PTPN14: variants seen among roughly 807,000 people sequenced by gnomAD.
PTPN14 encodes tyrosine-protein phosphatase non-receptor type 14.
PTPN14 carries 53 observed loss-of-function variants against 126.8 expected under a neutral mutation model. The observed-to-expected ratio is 0.42, with a 90% confidence interval of 0.34 to 0.53. PTPN14 has a LOEUF of 0.53. Ranked by LOEUF, PTPN14 falls within the 20% of genes least tolerant of loss-of-function variation. PTPN14 has a pLI of 0.08. For synonymous variants in PTPN14, 630 were observed against 599.3 expected (o/e 1.05, Z -0.75); for missense variants, 1,257 against 1,552.9 (o/e 0.81, Z 3.20).
chr1:214,376,348 G>A lies in PTPN14; in HGVS notation c.2778C>T (p.Ser926=). 6.2e-7 allele frequency: 1 copy of A among 1,614,064 alleles called. No homozygotes were observed. Among genetic ancestry groups the A allele is most frequent in the Admixed American group, 1.7e-5 (1 of 60,018 alleles). The part of the protein sequence containing the change: ...IPKKKANGIF[S]TAALPENAER... Reference sequence around the variant, plus strand: ...CGGCGTTTTCTGGCAGAGCTGCTGTGCTGAAAATGCCATTCGCCTTTTTCT... The same window carrying A: ...CGGCGTTTTCTGGCAGAGCTGCTGTACTGAAAATGCCATTCGCCTTTTTCT... The change falls in exon 15 of 19, where the codon AGC becomes AGT. Residue 926 remains serine (S), a synonymous_variant. Coordinates refer to ENST00000366956, the MANE Select transcript of PTPN14 (RefSeq NM_005401.5).
rs964287125 is a variant in PTPN14 at position 214,521,893 on chromosome 1, G to GT, written c.-155+29289dup. On this transcript the variant is annotated intron_variant, in intron 1 of 18. Transcript: ENST00000366956. Reference sequence around the variant, plus strand: ...AACCATGTTTCATAAGATTTTTGTTGTTTTTTTTTTTACTTAATCTTCAAC... The same window carrying GT: ...AACCATGTTTCATAAGATTTTTGTTGTTTTTTTTTTTTACTTAATCTTCAAC... 2.0e-3 allele frequency among the ~76,000 whole-genome samples: 223 copies of GT among 110,040 alleles called. 1 individual carries two copies. Among genetic ancestry groups the GT allele is most frequent in the South Asian group, 6.9e-3 (18 of 2,626 alleles). The allele number at this position is 110,040 out of a possible 152,430, so 72.2% of individuals were successfully genotyped here. A position where few individuals can be genotyped will look rare whatever the true frequency, so the allele number is the denominator to read the frequency against.
At chr1:214,473,973 A>G (rs1482023660) in intron 1 of PTPN14, among the ~76,000 whole-genome samples, 14 of 152,212 alleles carry the variant, frequency 9.2e-5, no homozygotes, top group Non-Finnish European at 2.9e-5. Context: ...TGAAAATAAC[A>G]TCAACAACAA....
chr1:214,368,196 TTTTATTTA>T (rs142403379), intron 17 of PTPN14, among the ~76,000 whole-genome samples: 1 of 146,236 alleles, frequency 6.8e-6, no homozygotes, highest in Non-Finnish European at 1.5e-5. Flanking sequence ...TGTTATTCGT[TTTTATTTA>T]TTTATTTATT....
intron 1 of PTPN14, among the ~76,000 whole-genome samples, chr1:214,513,036 C>T (rs1371629266): frequency 6.6e-6 from 1 of 152,116 alleles, no homozygotes; most frequent in South Asian, 2.1e-4. Context: ...CACCAAGAAT[C>T]CTGGTCCAAA....
chr1:214,496,329 CGGCTTAGCCCAGTGTTA>C (rs1230112862), intron 1 of PTPN14, among the ~76,000 whole-genome samples: 2 of 152,118 alleles, frequency 1.3e-5, no homozygotes, highest in African/African-American at 4.8e-5. Context: ...TAACAGGATA[CGGCTTAGCCCAGTGTTA>C]GGCTTAGCCC....
chr1:214,414,732 C>A lies in PTPN14; in HGVS notation c.345-6G>T. ...CTTGCAGGTAATACTGATATCTGTTCATGGGAATAGAGGAACAAACAACCT... is the reference window on the plus strand; with the variant it reads ...CTTGCAGGTAATACTGATATCTGTTAATGGGAATAGAGGAACAAACAACCT... On this transcript the variant is annotated splice_polypyrimidine_tract_variant and splice_region_variant and intron_variant, in intron 3 of 18. Coordinates refer to ENST00000366956, the MANE Select transcript of PTPN14 (RefSeq NM_005401.5). 2 of 1,605,518 alleles carry A rather than the reference C, an allele frequency of 1.2e-6. No individual in the cohort carries two copies. The highest frequency in any genetic ancestry group is 2.2e-5 in the South Asian group (2 of 90,872).
chr1:214,532,142 G>A lies in PTPN14; in HGVS notation c.-155+19041C>T, dbSNP rs548853794. On this transcript the variant is annotated intron_variant, in intron 1 of 18. Transcript: ENST00000366956. Reference sequence around the variant, plus strand: ...ATATGTATTGAAGTAGTAGTATACTGAGGTCGTTGGCAAAGCCTGGGTCCT... The same window carrying A: ...ATATGTATTGAAGTAGTAGTATACTAAGGTCGTTGGCAAAGCCTGGGTCCT... 5 of 286,466 alleles carry A rather than the reference G, an allele frequency of 1.7e-5. No homozygotes were observed. The East Asian group carries it at 3.9e-4, about 22-fold the overall frequency. 17.7% of individuals were successfully genotyped at this position (286,466 alleles called of 1,614,324 possible). A position where few individuals can be genotyped will look rare whatever the true frequency, so the allele number is the denominator to read the frequency against.
intron 1 of PTPN14, among the ~76,000 whole-genome samples, chr1:214,511,257 G>C (rs368144372): frequency 2.9e-4 from 44 of 152,172 alleles, no homozygotes; most frequent in African/African-American, 1.0e-3. Flanking sequence ...CAATCACCTT[G>C]AGAAGACTTT....
At chr1:214,379,329 A>G (rs983252446) in intron 13 of PTPN14, among the ~76,000 whole-genome samples, 2 of 152,146 alleles carry the variant, frequency 1.3e-5, no homozygotes, top group African/African-American at 2.4e-5. Flanking sequence ...GTCTTGACGG[A>G]GCCATCCCAC....
chr1:214,364,752 G>C lies in PTPN14; in HGVS notation c.3272-77C>G. 2 of 1,322,994 alleles carry C rather than the reference G, an allele frequency of 1.5e-6. No homozygotes were observed. The highest frequency in any genetic ancestry group is 1.6e-5 in the African/African-American group (1 of 61,132). 82.0% of individuals were successfully genotyped at this position (1,322,994 alleles called of 1,614,324 possible). A position where few individuals can be genotyped will look rare whatever the true frequency, so the allele number is the denominator to read the frequency against. On this transcript the variant is annotated intron_variant, in intron 17 of 18. Coordinates refer to ENST00000366956, the MANE Select transcript of PTPN14 (RefSeq NM_005401.5). The surrounding 1 kb of genome is among the most constrained non-coding windows in gnomAD (Gnocchi z 4.1). ...GTAAGTTGGGGAGGGGGGAGCGGAAGAGAACTGATGGTGAGTGTGTGTGTG... is the reference window on the plus strand; with the variant it reads ...GTAAGTTGGGGAGGGGGGAGCGGAACAGAACTGATGGTGAGTGTGTGTGTG...
At chr1:214,378,521 G>A (rs1030937020) in intron 13 of PTPN14, among the ~76,000 whole-genome samples, 5 of 152,150 alleles carry the variant, frequency 3.3e-5, no homozygotes, top group Admixed American at 6.5e-5. Flanking sequence ...CAGACGGAAC[G>A]GAGCAAAACT....
intron 3 of PTPN14, among the ~76,000 whole-genome samples, chr1:214,416,283 C>T (rs1659424190): frequency 6.6e-6 from 1 of 152,200 alleles, no homozygotes; most frequent in African/African-American, 2.4e-5. Flanking sequence ...AGTAAAACAT[C>T]TGAAAAGGTG....
chr1:214,383,705 G>GCCT lies in PTPN14; in HGVS notation c.2147_2149dup (p.Glu716dup), dbSNP rs143136196. 337 of 1,611,670 alleles carry GCCT rather than the reference G, an allele frequency of 2.1e-4. 1 individual carries two copies. Among genetic ancestry groups the GCCT allele is most frequent in the Middle Eastern group, 1.3e-3 (8 of 6,058 alleles). Reference sequence around the variant, plus strand: ...GGGGATCTGGGGCACCGATTCTGGAGCCTCCTCCTCCTCCTCCTCACTCTC... The same window carrying GCCT: ...GGGGATCTGGGGCACCGATTCTGGAGCCTCCTCCTCCTCCTCCTCCTCACTCTC... On this transcript the variant is annotated inframe_insertion, in exon 13 of 19. Transcript: ENST00000366956. The surrounding 1 kb of genome is among the most constrained non-coding windows in gnomAD (Gnocchi z 4.4).
rs773789738 is a variant in PTPN14, at chr1:214,386,915, T to C, written c.995A>G (p.Gln332Arg). 6.9e-6 allele frequency: 11 copies of C among 1,602,592 alleles called. No individual in the cohort carries two copies. Among genetic ancestry groups the C allele is most frequent in the Non-Finnish European group, 9.4e-6 (11 of 1,170,400 alleles). Residue 332 changes from glutamine to arginine, a missense_variant, in exon 12 of 19, where the codon CAG becomes CGG. Physicochemically the swap from Gln to Arg is conservative, Grantham distance 43 (BLOSUM62 1). This residue lies in a region of PTPN14 where 1,021 missense variants were observed against 1,183.3 expected (regional missense o/e 0.86). Transcript: ENST00000366956. ...PTWSRSSLPRQQPYILPPVHV... is the reference protein window; with the variant it reads ...PTWSRSSLPRRQPYILPPVHV... ...AACGGGAGGCAGGATGTACGGCTGC[T>C]GCCTGGGCTGAAACAGAGAACACAG...
rs533046202 is a variant in PTPN14 at position 214,414,653 on chromosome 1, G to A, written c.418C>T (p.Arg140Trp). The change falls in exon 4 of 19, where the codon CGG (arginine) becomes TGG (tryptophan). Residue 140 changes from arginine (R) to tryptophan (W), a missense_variant. Around this residue, in one of 3 missense-constraint regions of PTPN14, gnomAD observed 1,021 missense variants for 1,183.3 expected, o/e 0.86. Transcript: ENST00000366956. ...CCTTGCACAGCTAGGCCGGCTAGCCGAATCACCTGGTCCAATGTACATCGT... is the reference window on the plus strand; with the variant it reads ...CCTTGCACAGCTAGGCCGGCTAGCCAAATCACCTGGTCCAATGTACATCGT... ...RLRCTLDQVI[R>W]LAGLAVQADF... 1.8e-5 allele frequency: 29 copies of A among 1,613,856 alleles called. No homozygotes were observed. The highest frequency in any genetic ancestry group is 4.5e-5 in the East Asian group (2 of 44,902).
chr1:214,524,102 G>A (rs1655329164), intron 1 of PTPN14, among the ~76,000 whole-genome samples: 1 of 151,638 alleles, frequency 6.6e-6, no homozygotes. Flanking sequence ...TACCTGCCTC[G>A]GCCTCCCAAA....
At chr1:214,388,901 T>C (rs60858166) in intron 11 of PTPN14, among the ~76,000 whole-genome samples, 1,627 of 152,024 alleles carry the variant, frequency 0.011, 35 homozygotes, top group African/African-American at 0.037. Context: ...CCACAAACAA[T>C]GCTTGATCTT....
Position 214,383,493 on chromosome 1 carries a change from C to T in PTPN14, c.2362G>A (p.Ala788Thr), listed in dbSNP as rs768799840. ...ARVLRHGPAKAISMSRTDPPA... is the reference protein window; with the variant it reads ...ARVLRHGPAKTISMSRTDPPA... ...GGGTCAGTCCGAGACATGCTGATGG[C>T]CTTGGCTGGCCCATGCCTCAGCACC... Residue 788 changes from alanine to threonine, a missense_variant, in exon 13 of 19, where the codon GCC (alanine) becomes ACC (threonine). Around this residue, in one of 3 missense-constraint regions of PTPN14, gnomAD observed 1,021 missense variants for 1,183.3 expected, o/e 0.86. Transcript: ENST00000366956. This position sits in a 1 kb window ranked among gnomAD's most constrained non-coding sequence, Gnocchi z 4.4. The T allele has an allele frequency of 6.2e-7, 1 of 1,614,230 alleles. No homozygotes were observed. The highest frequency in any genetic ancestry group is 1.7e-5 in the Admixed American group (1 of 60,030).
intron 2 of PTPN14, among the ~76,000 whole-genome samples, chr1:214,464,171 A>G (rs1396054448): frequency 3.1e-5 from 3 of 95,670 alleles, no homozygotes; most frequent in African/African-American, 1.4e-4. Context: ...TTTTCTCTTT[A>G]TTCGGTGGGG....
Sources: allele counts gnomAD v4.1 joint callset (sites outside exome capture counted in the v4.1 genomes callset), GRCh38; gene constraint gnomAD v4.1.1; regional missense constraint gnomAD v4.1.1; non-coding constraint Gnocchi (gnomAD v3.1); transcripts MANE v1.5; gene names NCBI Gene and HGNC (gene_info 2026-07-23, HGNC 2026-07-21).